The following SEPTIN2 variants were observed in gnomAD, a reference collection of about 807,000 sequenced individuals.
SEPTIN2 encodes septin 2.
In SEPTIN2, 34 loss-of-function variants were observed where a neutral mutation model predicts 46.5. The ratio of observed to expected loss-of-function variants is 0.73; its 90% confidence interval spans 0.56 to 0.97. The LOEUF (loss-of-function observed/expected upper bound fraction) is 0.97, where lower values mean the gene tolerates loss of function less well. Among genes scored for constraint, SEPTIN2 ranks in the 50% least tolerant of loss-of-function variants. SEPTIN2 has a pLI of 0.00. For missense variants in SEPTIN2, 347 were observed against 448.4 expected (o/e 0.77, Z 2.04); for synonymous variants, 175 against 153.4 (o/e 1.14, Z -1.04).
chr2:241,348,335 C>G (rs1343101430), intron 11 of SEPTIN2, 144 bp downstream of exon 11: 3 of 492,094 alleles, frequency 6.1e-6, no homozygotes, highest in Admixed American at 7.5e-5. Context: ...TCAAGTGATT[C>G]TCCTGCCTCA....
At position 241,337,413 on chromosome 2, in the gene SEPTIN2, C is replaced by T; in HGVS notation, c.373C>T (p.Gln125Ter). The change falls in exon 6 of 13, where the codon CAA becomes TAA. Residue 125 changes from glutamine to a stop codon, truncating the protein, a stop_gained. Transcript: ENST00000391971. LOFTEE classifies it high-confidence loss of function. ...GACAATTATCTCCTATATTGATGAG[C>T]AATTTGAGAGGTACCTGCATGACGA... The part of the protein sequence containing the change: ...FKTIISYIDE[Q>*]FERYLHDESG... The T allele has an allele frequency of 1.2e-6, 2 of 1,613,844 alleles. No homozygotes were observed. The highest frequency in any genetic ancestry group is 1.7e-6 in the Non-Finnish European group (2 of 1,179,874).
intron 4 of SEPTIN2, 179 bp from the exon 5 acceptor site, chr2:241,335,796 T>G (rs146891993): frequency 1.4e-6 from 1 of 694,774 alleles, no homozygotes; most frequent in East Asian, 2.6e-5. Flanking sequence ...ACAATAATCT[T>G]AGCTTTAACC....
At position 241,346,155 on chromosome 2, in the gene SEPTIN2, T is replaced by A; in HGVS notation, c.843-11T>A. On this transcript the variant is annotated splice_polypyrimidine_tract_variant and intron_variant, in intron 9 of 12. Coordinates refer to ENST00000391971, the MANE Select transcript of SEPTIN2 (RefSeq NM_004404.5). Reference sequence around the variant, plus strand: ...ATGATGCCACCTTGGTGCATTCCTCTTCTCTTTCAGCACCCACATGCAGGA... The same window carrying A: ...ATGATGCCACCTTGGTGCATTCCTCATCTCTTTCAGCACCCACATGCAGGA... 1 of 1,611,310 alleles carries A rather than the reference T, an allele frequency of 6.2e-7. No homozygotes were observed. Among genetic ancestry groups the A allele is most frequent in the African/African-American group, 1.3e-5 (1 of 74,988 alleles).
In SEPTIN2 at chr2:241,326,120, A is replaced by T. The variant is rs748778319; in HGVS notation, c.130+7A>T. 4 of 1,611,630 alleles carry T rather than the reference A, an allele frequency of 2.5e-6. No individual in the cohort carries two copies. Among genetic ancestry groups the T allele is most frequent in the Non-Finnish European group, 3.4e-6 (4 of 1,178,912 alleles). On this transcript the variant is annotated splice_region_variant and intron_variant, in intron 3 of 12. Coordinates refer to ENST00000391971, the MANE Select transcript of SEPTIN2 (RefSeq NM_004404.5). ...TTCACACTGATGGTGGTCGGTAAGA[A>T]ATTAATCTATAGTCTCCAACTTACT... is the stretch of plus-strand genomic sequence containing the variant.
chr2:241,335,062 A>G, intron 3 of SEPTIN2, 64 bp from the exon 4 acceptor site: 2 of 1,166,390 alleles, frequency 1.7e-6, no homozygotes, highest in African/African-American at 1.5e-5. Flanking sequence ...TTATGTAAAC[A>G]CTTAACCGAT....
chr2:241,328,771 C>T (rs1055733585), intron 3 of SEPTIN2, among the ~76,000 whole-genome samples: 4 of 147,088 alleles, frequency 2.7e-5, no homozygotes, highest in Non-Finnish European at 6.0e-5. Flanking sequence ...CCTGTAATCC[C>T]AGCACTTGAG....
In SEPTIN2 at chr2:241,346,422, T is replaced by A. The variant is rs183592615; in HGVS notation, c.926+173T>A. Reference sequence around the variant, plus strand: ...TAATCAAATTATGCTCTTTTAGCCTTTTTAAGAAAAAGTACATTTAATGAT... The same window carrying A: ...TAATCAAATTATGCTCTTTTAGCCTATTTAAGAAAAAGTACATTTAATGAT... On this transcript the variant is annotated intron_variant, in intron 10 of 12. Transcript: ENST00000391971. The A allele has an allele frequency of 8.5e-6, 4 of 469,100 alleles. No homozygotes were observed. In the Admixed American group the frequency reaches 1.5e-4, roughly 18 times the overall value. 29.1% of individuals were successfully genotyped at this position (469,100 alleles called of 1,614,324 possible).
At chr2:241,348,561 T>G (rs2060487065) in intron 11 of SEPTIN2, among the ~76,000 whole-genome samples, 1 of 152,152 alleles carries the variant, frequency 6.6e-6, no homozygotes, top group Admixed American at 6.5e-5. Context: ...CTGAAGGTGT[T>G]TTGTTTACAT....
chr2:241,348,079 G>A (rs867694516), intron 10 of SEPTIN2, 55 bp from the exon 11 acceptor site: 10 of 1,391,256 alleles, frequency 7.2e-6, no homozygotes, highest in Middle Eastern at 1.8e-4. Context: ...TTTTGGGGGG[G>A]TAGCAAATAA....
intron 5 of SEPTIN2, 139 bp downstream of exon 5, chr2:241,336,237 ATG>A: frequency 2.2e-6 from 2 of 928,292 alleles, no homozygotes; most frequent in Non-Finnish European, 3.2e-6. Context: ...AGCGTGTTAA[ATG>A]TTGACTTTTT....
At chr2:241,323,733 G>A (rs934526607) in intron 1 of SEPTIN2, among the ~76,000 whole-genome samples, 2 of 152,158 alleles carry the variant, frequency 1.3e-5, no homozygotes, top group African/African-American at 4.8e-5. Context: ...GGTGATTAGC[G>A]CTCCCAGGGT....
chr2:241,347,263 G>C (rs865847349), intron 10 of SEPTIN2, among the ~76,000 whole-genome samples: 8 of 152,250 alleles, frequency 5.3e-5, no homozygotes, highest in South Asian at 4.1e-4. Flanking sequence ...AAAGTTTCCT[G>C]TGTTGTAATT....
intron 1 of SEPTIN2, chr2:241,317,450 C>G: frequency 1.3e-6 from 1 of 752,478 alleles, no homozygotes; most frequent in Non-Finnish European, 1.6e-6. Context: ...GGGTTTCCCT[C>G]TATCATTCAT....
Position 241,353,037 on chromosome 2 carries a change from A to C in SEPTIN2, c.*1100A>C, listed in dbSNP as rs2060895080. The C allele has an allele frequency of 2.6e-5, 4 of 152,148 alleles. No individual in the cohort carries two copies. The South Asian group carries it at 8.3e-4, about 31-fold the overall frequency. The allele number at this position is 152,148 out of a possible 1,614,324, so 9.4% of individuals were successfully genotyped here. On this transcript the variant is annotated 3_prime_UTR_variant, in exon 13 of 13. Coordinates refer to ENST00000391971, the MANE Select transcript of SEPTIN2 (RefSeq NM_004404.5). The stretch of plus-strand genomic sequence containing the variant: ...TTGGTGCCCTGAACCTCTGATGCCT[A>C]CCGGGTTCTCCTGATTTGAGTTTCC...
intron 3 of SEPTIN2, among the ~76,000 whole-genome samples, chr2:241,334,371 T>C (rs2079555120): frequency 6.6e-6 from 1 of 152,230 alleles, no homozygotes; most frequent in Non-Finnish European, 1.5e-5. Context: ...ATGTAAAATT[T>C]AATTTTTGGT....
At chr2:241,345,901 C>T (rs963329355) in intron 9 of SEPTIN2, among the ~76,000 whole-genome samples, 1 of 152,142 alleles carries the variant, frequency 6.6e-6, no homozygotes, top group Admixed American at 6.6e-5. Context: ...ACAGGGGTGG[C>T]AGTGCCTCTA....
chr2:241,326,127 C>G lies in SEPTIN2; in HGVS notation c.130+14C>G. 1 of 1,608,722 alleles carries G rather than the reference C, an allele frequency of 6.2e-7. No individual in the cohort carries two copies. Among genetic ancestry groups the G allele is most frequent in the South Asian group, 1.1e-5 (1 of 90,242 alleles). ...TGATGGTGGTCGGTAAGAAATTAAT[C>G]TATAGTCTCCAACTTACTAAATAAA... On this transcript the variant is annotated intron_variant, in intron 3 of 12. Transcript: ENST00000391971.
intron 3 of SEPTIN2, among the ~76,000 whole-genome samples, chr2:241,327,016 C>T (rs1228997953): frequency 7.7e-6 from 1 of 129,942 alleles, no homozygotes; most frequent in Non-Finnish European, 1.6e-5. Flanking sequence ...CCACTGCACT[C>T]AAGCCTCAAG....
At chr2:241,332,532 A>G (rs1479230212) in intron 3 of SEPTIN2, among the ~76,000 whole-genome samples, 1 of 152,216 alleles carries the variant, frequency 6.6e-6, no homozygotes, top group Non-Finnish European at 1.5e-5. Flanking sequence ...AAACAACTGG[A>G]ACTCTTACTA....
Sources: gnomAD v4.1 joint callset for allele counts (sites outside exome capture counted in the v4.1 genomes callset) on GRCh38, gnomAD v4.1.1 for gene constraint, MANE v1.5 for transcripts, NCBI Gene and HGNC (gene_info 2026-07-23, HGNC 2026-07-21) for gene names.